KCTD18: variants seen among roughly 807,000 people sequenced by gnomAD.
KCTD18 encodes potassium channel tetramerization domain containing 18, also known as BTB/POZ domain-containing protein KCTD18.
KCTD18 carries 22 observed loss-of-function variants against 30.4 expected under a neutral mutation model. That is an observed-to-expected ratio of 0.72 (90% CI 0.52 to 1.03). KCTD18 has a LOEUF of 1.03. KCTD18 is among the 50% of genes least tolerant of loss of function. The pLI, the probability that KCTD18 is intolerant of heterozygous loss-of-function variation, is 0.00. For synonymous variants in KCTD18, 186 were observed against 209.0 expected (o/e 0.89, Z 0.95); for missense variants, 529 against 547.6 (o/e 0.97, Z 0.34).
chr2:200,491,866 G>A (rs536466890), intron 6 of KCTD18, among the ~76,000 whole-genome samples: 2 of 152,220 alleles, frequency 1.3e-5, no homozygotes, highest in South Asian at 4.1e-4. Context: ...TCCCATTCTT[G>A]GAAATGGGAT....
At position 200,504,772 on chromosome 2, in the gene KCTD18, T is replaced by G; in HGVS notation, c.348A>C (p.Leu116Phe). 1 of 1,613,922 alleles carries G rather than the reference T, an allele frequency of 6.2e-7. No homozygotes were observed. The highest frequency in any genetic ancestry group is 8.5e-7 in the Non-Finnish European group (1 of 1,179,924). ...CCTTTTTAAGTTCTATATTTGACCT[T>G]AAAGAATATGTCTCCATTTCATTGG... ...HLANEMETYS[L>F]RSNIELKKAL... Residue 116 changes from leucine to phenylalanine, a missense_variant, in exon 3 of 7, where the codon TTA becomes TTC. Leu to Phe is a conservative substitution (Grantham distance 22). Coordinates refer to ENST00000359878, the MANE Select transcript of KCTD18 (RefSeq NM_152387.4).
At chr2:200,497,077 A>G (rs1481342787) in intron 5 of KCTD18, 1 of 152,270 alleles carries the variant, frequency 6.6e-6, no homozygotes, top group East Asian at 1.9e-4. Flanking sequence ...TTGTTATCAT[A>G]CTTTGCACCT....
chr2:200,489,050 G>C lies in KCTD18; in HGVS notation c.*1050C>G, dbSNP rs942030047. The C allele has an allele frequency of 2.0e-5, 3 of 152,418 alleles. No individual in the cohort carries two copies. Among genetic ancestry groups the C allele is most frequent in the African/African-American group, 7.2e-5 (3 of 41,404 alleles). 9.4% of individuals were successfully genotyped at this position (152,418 alleles called of 1,614,324 possible). The stretch of plus-strand genomic sequence containing the variant: ...CAAAGCAATGAAAGTACAATGATAA[G>C]CATTTGAATAAAAAGTACCCTGTTT... On this transcript the variant is annotated 3_prime_UTR_variant, in exon 7 of 7. Transcript: ENST00000359878.
In KCTD18 at chr2:200,499,083, G is replaced by A; in HGVS notation, c.374C>T (p.Ala125Val). The A allele has an allele frequency of 1.1e-5, 17 of 1,593,710 alleles. No homozygotes were observed. The highest frequency in any genetic ancestry group is 1.8e-5 in the Admixed American group (1 of 55,716). ...SLRSNIELKK[A>V]LTDFCDSYGL... ...ATATGAATCACAGAAGTCTGTTAAAGCCTAAAGCAAAAAGTATATATAAAA... is the reference window on the plus strand; with the variant it reads ...ATATGAATCACAGAAGTCTGTTAAAACCTAAAGCAAAAAGTATATATAAAA... Residue 125 changes from alanine (A) to valine (V), a missense_variant and splice_region_variant, in exon 4 of 7, where the codon GCT becomes GTT. Ala to Val is a moderately conservative substitution (Grantham distance 64, BLOSUM62 0). Transcript: ENST00000359878.
chr2:200,494,404 A>G (rs2087967364), intron 5 of KCTD18, among the ~76,000 whole-genome samples: 1 of 152,258 alleles, frequency 6.6e-6, no homozygotes, highest in African/African-American at 2.4e-5. Flanking sequence ...ATACACATGA[A>G]AAAAGCTCAA....
intron 6 of KCTD18, among the ~76,000 whole-genome samples, chr2:200,492,350 A>G (rs2087932067): frequency 6.6e-6 from 1 of 152,224 alleles, no homozygotes; most frequent in Non-Finnish European, 1.5e-5. Context: ...CCTGGAAGGC[A>G]AAATCACCCC....
At chr2:200,495,508 A>G (rs1039883258) in intron 5 of KCTD18, among the ~76,000 whole-genome samples, 1 of 152,220 alleles carries the variant, frequency 6.6e-6, no homozygotes, top group South Asian at 2.1e-4. Context: ...AACAATTGTG[A>G]TGCACTGATG....
At chr2:200,501,908 C>T (rs1348649975) in intron 3 of KCTD18, among the ~76,000 whole-genome samples, 3 of 150,988 alleles carry the variant, frequency 2.0e-5, no homozygotes, top group African/African-American at 7.3e-5. Flanking sequence ...CAATGATAGA[C>T]TGGATTAAGA....
At position 200,497,975 on chromosome 2, in the gene KCTD18, T is replaced by A. The variant is rs931377312; in HGVS notation, c.567-128A>T. The stretch of plus-strand genomic sequence containing the variant: ...AAAAAACATGTAAGCACTGAGTAGT[T>A]GTTCTGTGATCCTTAAGTATACATA... On this transcript the variant is annotated intron_variant, in intron 4 of 6. Transcript: ENST00000359878. 3 of 668,176 alleles carry A rather than the reference T, an allele frequency of 4.5e-6. 1 individual carries two copies. The highest frequency in any genetic ancestry group is 7.9e-6 in the Non-Finnish European group (3 of 378,900). 41.4% of individuals were successfully genotyped at this position (668,176 alleles called of 1,614,324 possible). A position where few individuals can be genotyped will look rare whatever the true frequency, so the allele number is the denominator to read the frequency against.
intron 5 of KCTD18, chr2:200,496,127 A>G (rs1486086084): frequency 1.3e-5 from 2 of 152,316 alleles, no homozygotes; most frequent in Non-Finnish European, 2.9e-5. Context: ...CATGCTGGCC[A>G]GGATGGTCTC....
Position 200,490,487 on chromosome 2 carries a change from A to C in KCTD18, c.894T>G (p.Ser298=). Residue 298 remains serine, a synonymous_variant, in exon 7 of 7, where the codon TCT becomes TCG. Coordinates refer to ENST00000359878, the MANE Select transcript of KCTD18 (RefSeq NM_152387.4). ...KVKNSASVTV[S]PASAIQTSAG... ...CCGACGTCTGGATGGCACTGGCTGGAGACACCGTGACTGAGGCCGAGTTCT... is the reference window on the plus strand; with the variant it reads ...CCGACGTCTGGATGGCACTGGCTGGCGACACCGTGACTGAGGCCGAGTTCT... The C allele has an allele frequency of 1.2e-6, 2 of 1,611,902 alleles. No homozygotes were observed. The highest frequency in any genetic ancestry group is 1.7e-6 in the Non-Finnish European group (2 of 1,179,980).
intron 5 of KCTD18, chr2:200,495,833 A>C (rs2087989940): frequency 6.6e-6 from 1 of 151,854 alleles, no homozygotes; most frequent in East Asian, 1.9e-4. Flanking sequence ...TTAGTCTTTA[A>C]ATTTTATTTA....
At position 200,489,920 on chromosome 2, in the gene KCTD18, G is replaced by A. The variant is rs2087878581; in HGVS notation, c.*180C>T. 6.8e-6 allele frequency: 4 copies of A among 589,392 alleles called. No homozygotes were observed. Among genetic ancestry groups the A allele is most frequent in the Non-Finnish European group, 8.4e-6 (3 of 358,252 alleles). 36.5% of individuals were successfully genotyped at this position (589,392 alleles called of 1,614,324 possible). A position where few individuals can be genotyped will look rare whatever the true frequency, so the allele number is the denominator to read the frequency against. On this transcript the variant is annotated 3_prime_UTR_variant, in exon 7 of 7. Transcript: ENST00000359878. ...TATAAAAGTTGGGAAAATGAGAAAT[G>A]GAGCCTTAACCATTGAAAGTCTCCC...
In KCTD18 at chr2:200,498,959, T is replaced by G; in HGVS notation, c.498A>C (p.Lys166Asn). Reference sequence around the variant, plus strand: ...TTTCAATAGCGTCTGTTCCATCAGTTTTTGTGGCATATACACCAATAATTC... The same window carrying G: ...TTTCAATAGCGTCTGTTCCATCAGTGTTTGTGGCATATACACCAATAATTC... Reference protein sequence around the residue: ...ESRIIGVYATKTDGTDAIEKQ... With the variant: ...ESRIIGVYATNTDGTDAIEKQ... The change falls in exon 4 of 7, where the codon AAA (lysine) becomes AAC (asparagine). Residue 166 changes from lysine to asparagine, a missense_variant. By Grantham distance (94) the Lys-to-Asn change is moderately conservative. Coordinates refer to ENST00000359878, the MANE Select transcript of KCTD18 (RefSeq NM_152387.4). 1 of 1,614,150 alleles carries G rather than the reference T, an allele frequency of 6.2e-7. No individual in the cohort carries two copies. Among genetic ancestry groups the G allele is most frequent in the Non-Finnish European group, 8.5e-7 (1 of 1,179,996 alleles).
rs6705360 is a variant in KCTD18, at chr2:200,491,132, G to C, written c.765-516C>G. 2.2e-3 allele frequency among the ~76,000 whole-genome samples: 330 copies of C among 152,292 alleles called. 2 individuals carry two copies. Among genetic ancestry groups the C allele is most frequent in the African/African-American group, 7.7e-3 (321 of 41,550 alleles). ...GCCTGACAGAGGTGTTTGGGTCATGGGGGAGGATCCCTCATGAATGGCTTT... is the reference window on the plus strand; with the variant it reads ...GCCTGACAGAGGTGTTTGGGTCATGCGGGAGGATCCCTCATGAATGGCTTT... On this transcript the variant is annotated intron_variant, in intron 6 of 6. Transcript: ENST00000359878.
At chr2:200,498,136 A>T (rs1027993285) in intron 4 of KCTD18, among the ~76,000 whole-genome samples, 32 of 152,120 alleles carry the variant, frequency 2.1e-4, no homozygotes, top group Non-Finnish European at 4.6e-4. Flanking sequence ...TCAAGTTTTT[A>T]AAAAAAATCA....
intron 3 of KCTD18, among the ~76,000 whole-genome samples, chr2:200,503,645 T>C (rs7596859): frequency 0.14 from 20,666 of 152,212 alleles, 1,482 homozygotes; most frequent in Non-Finnish European, 0.15. Context: ...CGTTCGAAAA[T>C]ATAGTTTATG....
At chr2:200,502,708 T>C (rs1018957076) in intron 3 of KCTD18, among the ~76,000 whole-genome samples, 8 of 152,076 alleles carry the variant, frequency 5.3e-5, no homozygotes, top group Non-Finnish European at 7.4e-5. Context: ...AAGACAGACA[T>C]TGAATAAGCC....
intron 5 of KCTD18, among the ~76,000 whole-genome samples, chr2:200,493,508 G>A (rs1377046315): frequency 1.3e-5 from 2 of 152,222 alleles, no homozygotes; most frequent in Admixed American, 1.3e-4. Flanking sequence ...GATTAGCTGA[G>A]AAGATTCAGC....
Sources: gnomAD v4.1 joint callset for allele counts (sites outside exome capture counted in the v4.1 genomes callset) on GRCh38, gnomAD v4.1.1 for gene constraint, MANE v1.5 for transcripts, NCBI Gene and HGNC (gene_info 2026-07-23, HGNC 2026-07-21) for gene names.